The following CAPN13 variants were observed in gnomAD, a reference collection of about 807,000 sequenced individuals.
The protein encoded by CAPN13 is calpain 13, also known as calpain-13.
A neutral mutation model predicts 98.4 loss-of-function variants in CAPN13; 90 were observed. The observed-to-expected ratio is 0.92, with a 90% confidence interval of 0.77 to 1.09. The LOEUF is 1.09. CAPN13 is among the 50% of genes least tolerant of loss of function. The pLI, the probability that CAPN13 is intolerant of heterozygous loss-of-function variation, is 0.00. For synonymous variants in CAPN13, 330 were observed against 305.5 expected (o/e 1.08, Z -0.84); for missense variants, 887 against 841.3 (o/e 1.05, Z -0.67).
At chr2:30,759,639 G>A (rs760787517) in intron 7 of CAPN13, among the ~76,000 whole-genome samples, 2 of 152,184 alleles carry the variant, frequency 1.3e-5, no homozygotes, top group Non-Finnish European at 2.9e-5. Flanking sequence ...GCTAGGTGCG[G>A]GCTGATGTGC....
At position 30,787,371 on chromosome 2, in the gene CAPN13, A is replaced by G. The variant is rs202051950; in HGVS notation, c.-32-14T>C. 14 of 1,556,148 alleles carry G rather than the reference A, an allele frequency of 9.0e-6. No homozygotes were observed. In the East Asian group the frequency reaches 3.0e-4, roughly 33 times the overall value. ...CGAGGTCCTTTCCTGTTGGTGAGAA[A>G]AAGGGATACCTTTGGGGTAAGCCAT... On this transcript the variant is annotated splice_polypyrimidine_tract_variant and intron_variant, in intron 1 of 22. Transcript: ENST00000295055.
intron 22 of CAPN13, among the ~76,000 whole-genome samples, chr2:30,723,885 A>G (rs915004910): frequency 1.3e-5 from 2 of 152,212 alleles, no homozygotes; most frequent in Admixed American, 1.3e-4. Flanking sequence ...TCCAAGATAC[A>G]TGGTTAGAAA....
intron 1 of CAPN13, among the ~76,000 whole-genome samples, chr2:30,787,574 C>T (rs186608683): frequency 1.2e-3 from 182 of 152,298 alleles, no homozygotes; most frequent in African/African-American, 4.1e-3. Context: ...ACAGCTTTCC[C>T]GTGTGCTTTC....
At chr2:30,725,101 G>C (rs1471101488) in intron 22 of CAPN13, among the ~76,000 whole-genome samples, 1 of 151,892 alleles carries the variant, frequency 6.6e-6, no homozygotes, top group Non-Finnish European at 1.5e-5. Flanking sequence ...GATGACATTA[G>C]CTAGACAAAC....
At chr2:30,724,692 T>G (rs1012789159) in intron 22 of CAPN13, among the ~76,000 whole-genome samples, 1 of 152,180 alleles carries the variant, frequency 6.6e-6, no homozygotes, top group Non-Finnish European at 1.5e-5. Context: ...TGGTGTTGAG[T>G]GTTTTCACAT....
chr2:30,762,896 T>C (rs903734082), intron 7 of CAPN13, among the ~76,000 whole-genome samples, 186 bp downstream of exon 7: 2 of 151,858 alleles, frequency 1.3e-5, no homozygotes, highest in Admixed American at 6.6e-5. Context: ...ACACTGGGAG[T>C]CAGAACTTCT....
At chr2:30,791,731 C>A (rs780589399) in intron 1 of CAPN13, among the ~76,000 whole-genome samples, 16 of 152,184 alleles carry the variant, frequency 1.1e-4, no homozygotes, top group Non-Finnish European at 1.9e-4. Context: ...ACACTAAACA[C>A]CTGTTTCTTC....
At chr2:30,802,850 T>A (rs910069926) in intron 1 of CAPN13, among the ~76,000 whole-genome samples, 5 of 152,298 alleles carry the variant, frequency 3.3e-5, no homozygotes, top group African/African-American at 1.2e-4. Flanking sequence ...CTGGCCTATG[T>A]TCCAGAACAG....
At chr2:30,734,062 A>G (rs1407818741) in intron 19 of CAPN13, among the ~76,000 whole-genome samples, 3 of 152,324 alleles carry the variant, frequency 2.0e-5, no homozygotes, top group East Asian at 1.9e-4. Flanking sequence ...ACTCTCTGTG[A>G]AGAGAGAGAG....
intron 3 of CAPN13, among the ~76,000 whole-genome samples, chr2:30,776,565 T>A (rs1007139939): frequency 3.3e-5 from 5 of 152,186 alleles, no homozygotes; most frequent in Admixed American, 3.3e-4. Flanking sequence ...TTGGCAATGA[T>A]GCTGTGTACA....
At chr2:30,782,312 T>C (rs1413467605) in intron 2 of CAPN13, among the ~76,000 whole-genome samples, 1 of 152,216 alleles carries the variant, frequency 6.6e-6, no homozygotes, top group Non-Finnish European at 1.5e-5. Flanking sequence ...ATTCGGCCTT[T>C]TCACATGGTG....
At chr2:30,802,907 T>C (rs1021357115) in intron 1 of CAPN13, among the ~76,000 whole-genome samples, 1 of 152,156 alleles carries the variant, frequency 6.6e-6, no homozygotes, top group African/African-American at 2.4e-5. Context: ...GCAGGTGACC[T>C]GGCTGAGGAA....
chr2:30,774,989 C>G (rs1351283376), intron 4 of CAPN13, among the ~76,000 whole-genome samples: 2 of 152,046 alleles, frequency 1.3e-5, no homozygotes, highest in Non-Finnish European at 2.9e-5. Flanking sequence ...GTCACTCATT[C>G]AAAATTCTGA....
chr2:30,787,142 A>G lies in CAPN13; in HGVS notation c.184T>C (p.Trp62Arg), dbSNP rs572596980. The G allele has an allele frequency of 6.4e-7, 1 of 1,568,442 alleles. No individual in the cohort carries two copies. The highest frequency in any genetic ancestry group is 1.4e-5 in the African/African-American group (1 of 73,938). ...LQEKRLSNVI[W>R]KRPQDLPGGP... Reference sequence around the variant, plus strand: ...GGCTCACTCACCTGTGGCCGCTTCCATATCACATTGGAGAGGCGTTTTTCC... The same window carrying G: ...GGCTCACTCACCTGTGGCCGCTTCCGTATCACATTGGAGAGGCGTTTTTCC... The change falls in exon 2 of 23, where the codon TGG becomes CGG. Residue 62 changes from tryptophan to arginine, a missense_variant. Trp to Arg is a moderately radical substitution (Grantham distance 101). Transcript: ENST00000295055.
chr2:30,724,961 C>T (rs1299935631), intron 22 of CAPN13, among the ~76,000 whole-genome samples: 1 of 152,176 alleles, frequency 6.6e-6, no homozygotes, highest in East Asian at 1.9e-4. Context: ...TCACCTAAAT[C>T]CTGCAGAATA....
chr2:30,762,422 G>T (rs1321031543), intron 7 of CAPN13, among the ~76,000 whole-genome samples: 1 of 152,190 alleles, frequency 6.6e-6, no homozygotes, highest in Non-Finnish European at 1.5e-5. Context: ...AGCCTCCCTT[G>T]GCCTTGGTGT....
At chr2:30,738,774 T>G (rs776838680) in intron 15 of CAPN13, among the ~76,000 whole-genome samples, 9 of 152,156 alleles carry the variant, frequency 5.9e-5, no homozygotes, top group Non-Finnish European at 1.2e-4. Flanking sequence ...CCCCTCAGGG[T>G]AAGTACTGTT....
At chr2:30,781,558 A>G (rs1673984256) in intron 2 of CAPN13, among the ~76,000 whole-genome samples, 1 of 152,188 alleles carries the variant, frequency 6.6e-6, no homozygotes, top group African/African-American at 2.4e-5. Context: ...CTAAACAGAA[A>G]AAAAGATAAA....
intron 7 of CAPN13, among the ~76,000 whole-genome samples, chr2:30,759,036 CTCCCTCCT>C (rs1327788073): frequency 7.2e-5 from 3 of 41,476 alleles, no homozygotes; most frequent in Non-Finnish European, 1.4e-4. Flanking sequence ...CCTTCCCTCC[CTCCCTCCT>C]TCCTTCCTTC....
Sources: gnomAD v4.1 joint callset for allele counts (sites outside exome capture counted in the v4.1 genomes callset) on GRCh38, gnomAD v4.1.1 for gene constraint, MANE v1.5 for transcripts, NCBI Gene and HGNC (gene_info 2026-07-23, HGNC 2026-07-21) for gene names.